AP2B1: variants seen among roughly 807,000 people sequenced by gnomAD.
AP2B1 encodes the protein adaptor related protein complex 2 subunit beta 1.
Under a neutral mutation model 102.0 loss-of-function variants are expected in AP2B1, and 23 were observed. The observed-to-expected ratio is 0.23, with a 90% confidence interval of 0.16 to 0.32. AP2B1 has a LOEUF of 0.32. AP2B1 is among the 10% of genes least tolerant of loss of function. AP2B1 has a pLI of 1.00. For missense variants in AP2B1, 541 were observed against 1,157.4 expected, an observed-to-expected ratio of 0.47 and a Z score of 7.73; for synonymous variants, 381 against 421.2, an observed-to-expected ratio of 0.90 and a Z score of 1.17.
intron 13 of AP2B1, among the ~76,000 whole-genome samples, chr17:35,656,775 C>T (rs1007124994): frequency 6.6e-5 from 10 of 151,228 alleles, no homozygotes; most frequent in African/African-American, 2.2e-4. Flanking sequence ...GTCCCAACTA[C>T]TTGGGAGGCT....
At chr17:35,613,263 T>C (rs898220932) in intron 5 of AP2B1, among the ~76,000 whole-genome samples, 5 of 150,602 alleles carry the variant, frequency 3.3e-5, no homozygotes, top group African/African-American at 1.2e-4. Context: ...CTAGAATATC[T>C]GCAGAAATGA....
At chr17:35,593,195 A>G (rs530772669) in intron 1 of AP2B1, among the ~76,000 whole-genome samples, 5 of 152,230 alleles carry the variant, frequency 3.3e-5, no homozygotes, top group Non-Finnish European at 7.3e-5. Flanking sequence ...AAATCCAAAA[A>G]TATAGTTAGA....
chr17:35,618,935 C>G (rs1288258082), intron 5 of AP2B1, among the ~76,000 whole-genome samples: 1 of 152,134 alleles, frequency 6.6e-6, no homozygotes, highest in Non-Finnish European at 1.5e-5. Context: ...CATTTTTCTC[C>G]TTGTATATAA....
At chr17:35,677,149 C>T (rs977197706) in intron 17 of AP2B1, among the ~76,000 whole-genome samples, 2 of 152,092 alleles carry the variant, frequency 1.3e-5, no homozygotes, top group Admixed American at 6.5e-5. Flanking sequence ...ACCACCACAC[C>T]CAGCTAATTT....
intron 3 of AP2B1, among the ~76,000 whole-genome samples, chr17:35,601,364 C>G (rs751332004): frequency 5.3e-5 from 8 of 152,128 alleles, no homozygotes; most frequent in Non-Finnish European, 1.2e-4. Context: ...GAGTCTTGCT[C>G]CATCACTCAG....
intron 13 of AP2B1, among the ~76,000 whole-genome samples, chr17:35,656,667 G>C (rs1598194972): frequency 1.3e-5 from 2 of 152,212 alleles, no homozygotes; most frequent in Middle Eastern, 3.4e-3. Context: ...AGGCTAAGGT[G>C]GGCGGATCAC....
chr17:35,715,601 A>G (rs955370214), intron 20 of AP2B1, among the ~76,000 whole-genome samples: 1 of 152,218 alleles, frequency 6.6e-6, no homozygotes, highest in Non-Finnish European at 1.5e-5. Flanking sequence ...ACCCTAGCTG[A>G]TGATGTTGCC....
intron 13 of AP2B1, 35 bp downstream of exon 13, chr17:35,650,824 G>T: frequency 1.9e-6 from 3 of 1,605,356 alleles, no homozygotes; most frequent in South Asian, 1.1e-5. Context: ...AGTGAGAAAT[G>T]ACTCTTGTTT....
chr17:35,711,862 T>G (rs1346875458), intron 20 of AP2B1, among the ~76,000 whole-genome samples: 2 of 152,214 alleles, frequency 1.3e-5, no homozygotes, highest in African/African-American at 4.8e-5. Context: ...TCCAACATCA[T>G]AGTGATCAGC....
Position 35,725,415 on chromosome 17 carries a change from GC to G in AP2B1, c.*1717del. ...AGAGGAGGAATCGTGGAAAACAAGA[GC>G]AAAACTACCCCACACCCCTATTTCA... On this transcript the variant is annotated 3_prime_UTR_variant, in exon 22 of 22. Coordinates refer to ENST00000610402, the MANE Select transcript of AP2B1 (RefSeq NM_001030006.2). The G allele has an allele frequency of 6.6e-6, 1 of 152,306 alleles. No homozygotes were observed. Among genetic ancestry groups the G allele is most frequent in the Non-Finnish European group, 1.5e-5 (1 of 68,072 alleles). The allele number at this position is 152,306 out of a possible 1,614,324, so 9.4% of individuals were successfully genotyped here.
intron 18 of AP2B1, among the ~76,000 whole-genome samples, chr17:35,706,566 A>G (rs2076343984): frequency 6.6e-6 from 1 of 152,108 alleles, no homozygotes; most frequent in Non-Finnish European, 1.5e-5. Flanking sequence ...ATACTACTTT[A>G]TAGTCAAAGA....
At chr17:35,679,078 A>T (rs905822488) in intron 17 of AP2B1, among the ~76,000 whole-genome samples, 1 of 152,068 alleles carries the variant, frequency 6.6e-6, no homozygotes. Flanking sequence ...TGTGTTTTTT[A>T]CCATTATGAT....
chr17:35,622,530 A>G (rs1341402882), intron 5 of AP2B1, among the ~76,000 whole-genome samples: 2 of 152,228 alleles, frequency 1.3e-5, no homozygotes, highest in Admixed American at 1.3e-4. Flanking sequence ...ATAATCATAC[A>G]AATCTTAATT....
chr17:35,674,539 T>C (rs1297288912), intron 17 of AP2B1, among the ~76,000 whole-genome samples: 6 of 152,112 alleles, frequency 3.9e-5, no homozygotes, highest in African/African-American at 9.7e-5. Flanking sequence ...ACCCCGTCTC[T>C]ACTGAAAATA....
chr17:35,679,859 A>C (rs890875884), intron 17 of AP2B1, among the ~76,000 whole-genome samples: 1 of 151,936 alleles, frequency 6.6e-6, no homozygotes, highest in Non-Finnish European at 1.5e-5. Flanking sequence ...CTTAAGATGT[A>C]GTTTATCTAG....
At chr17:35,695,550 A>G (rs1222035007) in intron 18 of AP2B1, among the ~76,000 whole-genome samples, 1 of 152,042 alleles carries the variant, frequency 6.6e-6, no homozygotes, top group African/African-American at 2.4e-5. Flanking sequence ...CAGGTAAGTT[A>G]CCTGTTATAC....
intron 21 of AP2B1, among the ~76,000 whole-genome samples, chr17:35,721,435 T>A (rs1441641615): frequency 6.6e-6 from 1 of 152,120 alleles, no homozygotes; most frequent in Non-Finnish European, 1.5e-5. Context: ...AAGGAAGGCC[T>A]CTTTCTCCCT....
At chr17:35,669,419 G>A (rs1368227518) in intron 14 of AP2B1, among the ~76,000 whole-genome samples, 1 of 152,142 alleles carries the variant, frequency 6.6e-6, no homozygotes, top group East Asian at 1.9e-4. Flanking sequence ...TGGGATTACA[G>A]GCATGAGCCA....
At chr17:35,626,950 GA>G in intron 7 of AP2B1, 108 bp downstream of exon 7, 1 of 1,116,668 alleles carries the variant, frequency 9.0e-7, no homozygotes, top group Non-Finnish European at 1.3e-6. Flanking sequence ...ATATGGAAAT[GA>G]AAATGTTATA....
Sources: gnomAD v4.1 joint callset for allele counts (sites outside exome capture counted in the v4.1 genomes callset) on GRCh38, gnomAD v4.1.1 for gene constraint, MANE v1.5 for transcripts, NCBI Gene and HGNC (gene_info 2026-07-23, HGNC 2026-07-21) for gene names.